Variants in LOC128462377 observed in about 807,000 individuals in gnomAD.
the LOC128462377 span, among the ~76,000 whole-genome samples, chr16:89,338,884 A>C: frequency 6.6e-6 from 1 of 152,136 alleles, no homozygotes; most frequent in Admixed American, 6.5e-5. Flanking sequence ...ACTTGGAGCA[A>C]AATAAGCCTA....
At chr16:89,338,763 G>A in the LOC128462377 span, among the ~76,000 whole-genome samples, 1 of 137,442 alleles carries the variant, frequency 7.3e-6, no homozygotes, top group African/African-American at 2.6e-5. Flanking sequence ...GCGAGCTTTT[G>A]TAGAAACAGG....
chr16:89,403,210 C>G, the LOC128462377 span, among the ~76,000 whole-genome samples: 2 of 152,324 alleles, frequency 1.3e-5, no homozygotes, highest in African/African-American at 4.8e-5. Context: ...CTGATCCGCT[C>G]CCTCTCTTCT....
chr16:89,360,211 T>C, the LOC128462377 span, among the ~76,000 whole-genome samples: 3 of 152,252 alleles, frequency 2.0e-5, no homozygotes, highest in African/African-American at 7.2e-5. Context: ...TCCAGCTCCA[T>C]CCATGTTCCC....
the LOC128462377 span, among the ~76,000 whole-genome samples, chr16:89,321,573 C>T: frequency 3.3e-3 from 506 of 152,166 alleles, 1 homozygote; most frequent in African/African-American, 0.012. Context: ...ACCATGGAGA[C>T]TCACGGGTCC....
chr16:89,372,453 C>A, the LOC128462377 span, among the ~76,000 whole-genome samples: 1 of 152,156 alleles, frequency 6.6e-6, no homozygotes, highest in Non-Finnish European at 1.5e-5. Context: ...GCTCAGGGCA[C>A]CAGCTGCCCA....
chr16:89,397,037 A>T, the LOC128462377 span, among the ~76,000 whole-genome samples: 24 of 149,322 alleles, frequency 1.6e-4, no homozygotes, highest in African/African-American at 5.9e-4. Flanking sequence ...TTTTTTTTTT[A>T]AAGAATGTGC....
chr16:89,370,010 G>A, the LOC128462377 span, among the ~76,000 whole-genome samples: 2 of 152,216 alleles, frequency 1.3e-5, no homozygotes, highest in South Asian at 2.1e-4. Context: ...GGCCCCTTCA[G>A]GAAGAGCCAG....
At chr16:89,399,110 CCCAGGTGGCT>C in the LOC128462377 span, among the ~76,000 whole-genome samples, 3 of 152,216 alleles carry the variant, frequency 2.0e-5, no homozygotes, top group African/African-American at 7.2e-5. Flanking sequence ...CCTGTCACAG[CCCAGGTGGCT>C]CCGAACACGG....
the LOC128462377 span, among the ~76,000 whole-genome samples, chr16:89,358,833 T>G: frequency 6.8e-5 from 10 of 147,846 alleles, no homozygotes; most frequent in Non-Finnish European, 1.3e-4. Context: ...TGCCTGTAGG[T>G]TTTTTTTTTG....
chr16:89,390,502 A>G, the LOC128462377 span, among the ~76,000 whole-genome samples: 1 of 152,168 alleles, frequency 6.6e-6, no homozygotes, highest in Non-Finnish European at 1.5e-5. Context: ...TAAAGCCTGA[A>G]CATTTCCACA....
At chr16:89,382,656 C>G in the LOC128462377 span, among the ~76,000 whole-genome samples, 1 of 151,894 alleles carries the variant, frequency 6.6e-6, no homozygotes, top group Non-Finnish European at 1.5e-5. Flanking sequence ...ACAATTCCCC[C>G]CCTCCAGTAG....
the LOC128462377 span, among the ~76,000 whole-genome samples, chr16:89,394,994 A>G: frequency 6.6e-6 from 1 of 152,234 alleles, no homozygotes; most frequent in African/African-American, 2.4e-5. Context: ...CCAAACCAGC[A>G]AATACATCAC....
At chr16:89,350,911 C>T in the LOC128462377 span, among the ~76,000 whole-genome samples, 32 of 152,240 alleles carry the variant, frequency 2.1e-4, no homozygotes, top group African/African-American at 7.2e-5. Context: ...TTTCTTTCCA[C>T]GATTCAGCAG....
At chr16:89,353,252 G>A in the LOC128462377 span, among the ~76,000 whole-genome samples, 4 of 151,878 alleles carry the variant, frequency 2.6e-5, no homozygotes, top group Non-Finnish European at 5.9e-5. Context: ...TGAGGCAGGA[G>A]AATTGCTTCA....
chr16:89,328,163 A>G, the LOC128462377 span, among the ~76,000 whole-genome samples: 1 of 152,234 alleles, frequency 6.6e-6, no homozygotes, highest in African/African-American at 2.4e-5. Flanking sequence ...ATATTACTGC[A>G]CACCAATCGG....
the LOC128462377 span, among the ~76,000 whole-genome samples, chr16:89,417,529 A>G: frequency 1.3e-5 from 2 of 152,150 alleles, no homozygotes; most frequent in African/African-American, 4.8e-5. Context: ...CCTCTCAAAA[A>G]ACATGCCAGT....
the LOC128462377 span, among the ~76,000 whole-genome samples, chr16:89,371,767 G>T: frequency 6.6e-6 from 1 of 152,196 alleles, no homozygotes; most frequent in Non-Finnish European, 1.5e-5. Flanking sequence ...GGATGACGGA[G>T]AGGAGAGGTG....
chr16:89,324,795 G>C, the LOC128462377 span: 5 of 288,952 alleles, frequency 1.7e-5, no homozygotes, highest in African/African-American at 1.1e-4. Flanking sequence ...TTGGCTTCCC[G>C]ACTTTTGAGG....
chr16:89,408,290 A>C, the LOC128462377 span, among the ~76,000 whole-genome samples: 2 of 152,176 alleles, frequency 1.3e-5, no homozygotes, highest in Non-Finnish European at 2.9e-5. Flanking sequence ...TTCCACATTC[A>C]CTTTAGCCTT....
Sources: gnomAD v4.1 joint callset for allele counts (sites outside exome capture counted in the v4.1 genomes callset) on GRCh38, gnomAD v4.1.1 for gene constraint, MANE v1.5 for transcripts.